The following PELI2 variants were observed in gnomAD, a reference collection of about 807,000 sequenced individuals.
The protein encoded by PELI2 is E3 ubiquitin-protein ligase pellino homolog 2.
PELI2 carries 23 observed loss-of-function variants against 42.3 expected under a neutral mutation model. The observed-to-expected ratio is 0.54, with a 90% CI of 0.39 to 0.77. PELI2 has a LOEUF of 0.77. Among genes scored for constraint, PELI2 ranks in the 30% least tolerant of loss-of-function variants. PELI2 has a pLI of 0.00. For missense variants in PELI2, 463 were observed against 553.2 expected (o/e 0.84, Z 1.64); for synonymous variants, 245 against 212.2 (o/e 1.15, Z -1.34).
chr14:56,272,184 A>G (rs1256300193), intron 2 of PELI2, among the ~76,000 whole-genome samples: 1 of 152,220 alleles, frequency 6.6e-6, no homozygotes, highest in Non-Finnish European at 1.5e-5. Flanking sequence ...AGGAACAATA[A>G]CTGCAGTTCT....
intron 1 of PELI2, among the ~76,000 whole-genome samples, chr14:56,137,386 C>T (rs188807386): frequency 6.6e-6 from 1 of 152,154 alleles, no homozygotes; most frequent in Admixed American, 6.5e-5. Flanking sequence ...AGAATGAAAC[C>T]CTATGCTACC....
intron 1 of PELI2, among the ~76,000 whole-genome samples, chr14:56,154,005 C>T (rs1028965530): frequency 1.3e-5 from 2 of 152,074 alleles, no homozygotes; most frequent in Non-Finnish European, 2.9e-5. Flanking sequence ...ACTTATTTAA[C>T]AAAATATACA....
intron 1 of PELI2, among the ~76,000 whole-genome samples, chr14:56,140,143 C>A (rs1448857972): frequency 6.6e-6 from 1 of 151,870 alleles, no homozygotes; most frequent in Non-Finnish European, 1.5e-5. Context: ...TAATTTAGAG[C>A]TGGGTGCTTC....
At chr14:56,228,172 AAGAC>A (rs1368318479) in intron 2 of PELI2, among the ~76,000 whole-genome samples, 1 of 152,264 alleles carries the variant, frequency 6.6e-6, no homozygotes, top group Non-Finnish European at 1.5e-5. Context: ...CCATGTATAA[AAGAC>A]AGCATTTTCA....
At chr14:56,254,544 G>A (rs941401414) in intron 2 of PELI2, among the ~76,000 whole-genome samples, 1 of 152,032 alleles carries the variant, frequency 6.6e-6, no homozygotes, top group Non-Finnish European at 1.5e-5. Flanking sequence ...AACCCTAGAA[G>A]AAAACCCAAG....
intron 2 of PELI2, among the ~76,000 whole-genome samples, chr14:56,199,955 G>A (rs889681058): frequency 2.0e-5 from 3 of 152,178 alleles, no homozygotes; most frequent in African/African-American, 7.2e-5. Flanking sequence ...TACATGGATG[G>A]CAACGCTAGG....
intron 2 of PELI2, among the ~76,000 whole-genome samples, chr14:56,179,430 A>T (rs565900904): frequency 5.0e-4 from 76 of 152,300 alleles, no homozygotes; most frequent in African/African-American, 1.8e-3. Flanking sequence ...TTTTATTTTT[A>T]AAAAGCTCCT....
At chr14:56,284,322 A>G (rs986234725) in intron 3 of PELI2, among the ~76,000 whole-genome samples, 18 of 152,206 alleles carry the variant, frequency 1.2e-4, no homozygotes, top group African/African-American at 4.1e-4. Flanking sequence ...AAAGTGAAAC[A>G]TAAAAGAGAA....
intron 2 of PELI2, among the ~76,000 whole-genome samples, chr14:56,252,555 A>G (rs958937064): frequency 1.3e-5 from 2 of 152,238 alleles, no homozygotes; most frequent in Non-Finnish European, 2.9e-5. Flanking sequence ...AGAATTCAGA[A>G]CATGGACACA....
intron 2 of PELI2, among the ~76,000 whole-genome samples, chr14:56,250,806 A>G (rs1425311878): frequency 6.6e-6 from 1 of 152,138 alleles, no homozygotes; most frequent in Non-Finnish European, 1.5e-5. Flanking sequence ...ACAGGCACCC[A>G]CCGAACAATA....
intron 1 of PELI2, among the ~76,000 whole-genome samples, chr14:56,147,327 C>G (rs1370711288): frequency 6.6e-6 from 1 of 152,130 alleles, no homozygotes; most frequent in African/African-American, 2.4e-5. Context: ...AGTGGAATTG[C>G]TAGGTCTTGT....
intron 1 of PELI2, among the ~76,000 whole-genome samples, chr14:56,151,277 C>G (rs530478426): frequency 2.6e-5 from 4 of 152,304 alleles, no homozygotes; most frequent in Non-Finnish European, 5.9e-5. Flanking sequence ...TGAATTTTTA[C>G]TTCTAGCCAG....
intron 1 of PELI2, among the ~76,000 whole-genome samples, chr14:56,168,291 A>G (rs1203485040): frequency 3.3e-5 from 5 of 152,304 alleles, no homozygotes; most frequent in East Asian, 1.9e-4. Flanking sequence ...GGTGGGTCCA[A>G]AAGTGCTGCC....
intron 2 of PELI2, among the ~76,000 whole-genome samples, chr14:56,224,894 C>A (rs1887286508): frequency 6.6e-6 from 1 of 152,096 alleles, no homozygotes; most frequent in Non-Finnish European, 1.5e-5. Context: ...TTCTCTGGGT[C>A]CCCTCCTATT....
At chr14:56,170,386 A>G (rs767311525) in intron 1 of PELI2, among the ~76,000 whole-genome samples, 5 of 152,222 alleles carry the variant, frequency 3.3e-5, no homozygotes, top group Admixed American at 6.5e-5. Context: ...TTTCCCTTAG[A>G]AAATTCTTAT....
intron 2 of PELI2, among the ~76,000 whole-genome samples, chr14:56,275,430 T>C (rs242590): frequency 0.77 from 117,811 of 152,098 alleles, 46,209 homozygotes; most frequent in African/African-American, 0.89. Flanking sequence ...AATAATTATA[T>C]AATTCACCAT....
At chr14:56,139,650 C>G (rs1162384070) in intron 1 of PELI2, among the ~76,000 whole-genome samples, 1 of 151,988 alleles carries the variant, frequency 6.6e-6, no homozygotes, top group Non-Finnish European at 1.5e-5. Context: ...AGCTTGTTCC[C>G]CCACCACACA....
chr14:56,189,341 G>T (rs1045800786), intron 2 of PELI2, among the ~76,000 whole-genome samples: 3 of 152,174 alleles, frequency 2.0e-5, no homozygotes, highest in Non-Finnish European at 2.9e-5. Flanking sequence ...CACACTGATG[G>T]AGGTTCCATC....
At chr14:56,243,722 A>G (rs1031721731) in intron 2 of PELI2, among the ~76,000 whole-genome samples, 5 of 152,214 alleles carry the variant, frequency 3.3e-5, no homozygotes, top group Non-Finnish European at 5.9e-5. Context: ...TCTTTGAAGT[A>G]TAAAAGGAGT....
Sources: allele counts gnomAD v4.1 joint callset (sites outside exome capture counted in the v4.1 genomes callset), GRCh38; gene constraint gnomAD v4.1.1; transcripts MANE v1.5; gene names NCBI Gene and HGNC (gene_info 2026-07-23, HGNC 2026-07-21).